GABPA: variants seen among roughly 807,000 people sequenced by gnomAD.
GABPA encodes GA binding protein transcription factor subunit alpha.
Under a neutral mutation model 59.4 loss-of-function variants are expected in GABPA, and 4 were observed. The observed-to-expected ratio is 0.07, with a 90% CI of 0.03 to 0.15. GABPA has a LOEUF of 0.15. GABPA is among the 10% of genes least tolerant of loss of function. The pLI is 1.00. For missense variants in GABPA, 251 were observed against 543.8 expected (o/e 0.46, Z 5.36); for synonymous variants, 164 against 183.1 (o/e 0.90, Z 0.84).
intron 6 of GABPA, 112 bp downstream of exon 6, chr21:25,758,316 T>C: frequency 2.7e-6 from 2 of 742,686 alleles, no homozygotes; most frequent in Non-Finnish European, 4.3e-6. Context: ...TAAGCAATAA[T>C]AATTAACATT....
chr21:25,735,264 A>G lies in GABPA; in HGVS notation c.-341A>G, dbSNP rs2034996354. 4 of 496,766 alleles carry G rather than the reference A, an allele frequency of 8.1e-6. No homozygotes were observed. The highest frequency in any genetic ancestry group is 1.5e-5 in the Non-Finnish European group (4 of 272,342). The allele number at this position is 496,766 out of a possible 1,614,324, so 30.8% of individuals were successfully genotyped here. ...ATCGAAGTGTATAAAGGTGCAGGGA[A>G]AGTGAGACTGTGTAAAACAAAGCGG... On this transcript the variant is annotated 5_prime_UTR_variant, in exon 1 of 10. Coordinates refer to ENST00000400075, the MANE Select transcript of GABPA (RefSeq NM_002040.4).
chr21:25,765,073 T>A (rs1224306792), intron 9 of GABPA, among the ~76,000 whole-genome samples: 1 of 152,116 alleles, frequency 6.6e-6, no homozygotes, highest in Non-Finnish European at 1.5e-5. Flanking sequence ...ATTATTTGCA[T>A]AGATGAATTG....
rs1329570956 is a variant in GABPA at position 25,769,410 on chromosome 21, T to C, written c.*178T>C. On this transcript the variant is annotated 3_prime_UTR_variant, in exon 10 of 10. Transcript: ENST00000400075. The stretch of plus-strand genomic sequence containing the variant: ...TTTGGATCTTTTTACTTTGAGCATA[T>C]ATTTTAGAATATGTGTATGTTAAAG... 1 of 559,076 alleles carries C rather than the reference T, an allele frequency of 1.8e-6. No individual in the cohort carries two copies. Among genetic ancestry groups the C allele is most frequent in the Non-Finnish European group, 3.2e-6 (1 of 312,578 alleles). The allele number at this position is 559,076 out of a possible 1,614,324, so 34.6% of individuals were successfully genotyped here. A position where few individuals can be genotyped will look rare whatever the true frequency, so the allele number is the denominator to read the frequency against.
Position 25,756,523 on chromosome 21 carries a change from A to G in GABPA, c.554-1487A>G, listed in dbSNP as rs2035641277. 6.6e-5 allele frequency among the ~76,000 whole-genome samples: 10 copies of G among 152,262 alleles called. No homozygotes were observed. The South Asian group carries it at 2.1e-3, about 32-fold the overall frequency. On this transcript the variant is annotated intron_variant, in intron 5 of 9. Transcript: ENST00000400075. ...TTCAGCCCTTTAAATCTTAACACAC[A>G]CTGCAGCTATTGGATTGGGCGAAAC...
chr21:25,743,566 C>T (rs1354853575), intron 2 of GABPA, among the ~76,000 whole-genome samples: 2 of 147,996 alleles, frequency 1.4e-5, no homozygotes, highest in African/African-American at 5.0e-5. Flanking sequence ...GAATTTAGGT[C>T]TAGTAGTATG....
At chr21:25,746,688 A>G (rs1400603804) in intron 3 of GABPA, among the ~76,000 whole-genome samples, 1 of 152,212 alleles carries the variant, frequency 6.6e-6, no homozygotes, top group Non-Finnish European at 1.5e-5. Flanking sequence ...TTTAGGATTT[A>G]AAGTTTTTTT....
intron 1 of GABPA, 111 bp from the exon 2 acceptor site, chr21:25,741,461 TC>T (rs2035219325): frequency 6.5e-6 from 3 of 461,276 alleles, no homozygotes; most frequent in Middle Eastern, 5.8e-4. Flanking sequence ...AAAGACTACT[TC>T]CCCCTCTTCT....
intron 3 of GABPA, among the ~76,000 whole-genome samples, chr21:25,747,083 G>A (rs2035385792): frequency 6.6e-6 from 1 of 152,156 alleles, no homozygotes; most frequent in African/African-American, 2.4e-5. Flanking sequence ...TGTAGAAACA[G>A]ATTTAAAGAG....
intron 2 of GABPA, among the ~76,000 whole-genome samples, chr21:25,744,419 A>G (rs1219755742): frequency 2.0e-5 from 3 of 152,206 alleles, no homozygotes; most frequent in Middle Eastern, 3.2e-3. Flanking sequence ...CTTGTAATTT[A>G]TGTGAAAACT....
intron 3 of GABPA, among the ~76,000 whole-genome samples, chr21:25,748,454 T>C (rs1264578222): frequency 6.6e-6 from 1 of 152,178 alleles, no homozygotes; most frequent in Non-Finnish European, 1.5e-5. Context: ...TGAAATGCAT[T>C]CTATAAGGAT....
At chr21:25,740,311 C>A (rs903004168) in intron 1 of GABPA, among the ~76,000 whole-genome samples, 1 of 152,200 alleles carries the variant, frequency 6.6e-6, no homozygotes, top group Non-Finnish European at 1.5e-5. Flanking sequence ...TTAGTGAAAT[C>A]TTGTAAGTGG....
Position 25,772,450 on chromosome 21 carries a change from A to G in GABPA, c.*3218A>G, listed in dbSNP as rs961256505. 5 of 152,184 alleles carry G rather than the reference A, an allele frequency of 3.3e-5. No homozygotes were observed. The highest frequency in any genetic ancestry group is 1.2e-4 in the African/African-American group (5 of 41,464). The allele number at this position is 152,184 out of a possible 1,614,324, so 9.4% of individuals were successfully genotyped here. A position where few individuals can be genotyped will look rare whatever the true frequency, so the allele number is the denominator to read the frequency against. ...ATAGTAAAATGAGAAAAATAAAACT[A>G]TTATACAGTATGTTTCTGTGTTGCT... On this transcript the variant is annotated 3_prime_UTR_variant, in exon 10 of 10. Transcript: ENST00000400075.
intron 7 of GABPA, among the ~76,000 whole-genome samples, chr21:25,763,615 ATTGT>A (rs1423540856): frequency 2.0e-5 from 3 of 152,314 alleles, no homozygotes; most frequent in Admixed American, 1.3e-4. Context: ...ATGTTTAAAC[ATTGT>A]TTGTAAAATA....
chr21:25,737,226 G>A (rs1177422532), intron 1 of GABPA, among the ~76,000 whole-genome samples: 1 of 152,228 alleles, frequency 6.6e-6, no homozygotes, highest in African/African-American at 2.4e-5. Flanking sequence ...TCTGGCGGGG[G>A]CAGCCCTTAG....
At chr21:25,768,064 TGCCTCTTTTTCCTGTTGTTGGAATTA>T (rs2146106200) in intron 9 of GABPA, among the ~76,000 whole-genome samples, 1 of 152,194 alleles carries the variant, frequency 6.6e-6, no homozygotes, top group South Asian at 2.1e-4. Context: ...GAGCTTGACT[TGCCTCTTTTTCCTGTTGTTGGAATTA>T]GCAATACATA....
intron 9 of GABPA, 40 bp from the exon 10 acceptor site, chr21:25,768,964 T>TTTA: frequency 7.0e-7 from 1 of 1,423,394 alleles, no homozygotes; most frequent in Non-Finnish European, 9.8e-7. Context: ...AGAAGTCTCA[T>TTTA]TTTTTCTGAA....
At chr21:25,750,418 G>T (rs1316248130) in intron 4 of GABPA, among the ~76,000 whole-genome samples, 1 of 152,086 alleles carries the variant, frequency 6.6e-6, no homozygotes, top group East Asian at 1.9e-4. Flanking sequence ...CTAAAGCATT[G>T]GTCACGCCTG....
intron 5 of GABPA, among the ~76,000 whole-genome samples, chr21:25,756,005 C>G (rs1393308145): frequency 2.0e-5 from 3 of 152,166 alleles, no homozygotes. Flanking sequence ...TAGATTAAAT[C>G]TTTCATCCAT....
At chr21:25,767,478 G>GCATC in intron 9 of GABPA, among the ~76,000 whole-genome samples, 1 of 151,882 alleles carries the variant, frequency 6.6e-6, no homozygotes, top group South Asian at 2.1e-4. Flanking sequence ...ACAGTTGTGT[G>GCATC]ATGCATCTAC....
Sources: gnomAD v4.1 joint callset for allele counts (sites outside exome capture counted in the v4.1 genomes callset) on GRCh38, gnomAD v4.1.1 for gene constraint, MANE v1.5 for transcripts, NCBI Gene and HGNC (gene_info 2026-07-23, HGNC 2026-07-21) for gene names.